NPHP4: variants seen among roughly 807,000 people sequenced by gnomAD.
The protein encoded by NPHP4 is nephrocystin 4, also known as nephrocystin-4.
In NPHP4, 151 loss-of-function variants were observed where a neutral mutation model predicts 155.8. The observed-to-expected ratio is 0.97, with a 90% CI of 0.85 to 1.11. The LOEUF is 1.11. Among genes scored for constraint, NPHP4 ranks in the 50% least tolerant of loss-of-function variants. The pLI, the probability that NPHP4 is intolerant of heterozygous loss-of-function variation, is 0.00. For missense variants in NPHP4, 1,956 were observed against 1,925.7 expected, an observed-to-expected ratio of 1.02 and a Z score of -0.29; for synonymous variants, 845 against 816.8, an observed-to-expected ratio of 1.03 and a Z score of -0.59.
intron 5 of NPHP4, 59 bp downstream of exon 5, chr1:5,967,240 G>A: frequency 7.8e-7 from 1 of 1,282,602 alleles, no homozygotes; most frequent in Non-Finnish European, 1.1e-6. Flanking sequence ...TAAAGGTGGG[G>A]AACACTCAGG....
At chr1:5,876,362 T>C (rs1239294694) in intron 20 of NPHP4, 2 of 152,476 alleles carry the variant, frequency 1.3e-5, no homozygotes, top group Non-Finnish European at 2.9e-5. Flanking sequence ...ACCAGTCCTG[T>C]GGGATCAGGC....
At chr1:5,880,463 T>C (rs1172952477) in intron 18 of NPHP4, 1 of 528,358 alleles carries the variant, frequency 1.9e-6, no homozygotes. Context: ...GCCGTGTCAG[T>C]GGCAGCCTCC....
At chr1:5,868,825 T>G (rs1279341797) in intron 23 of NPHP4, among the ~76,000 whole-genome samples, 1 of 85,114 alleles carries the variant, frequency 1.2e-5, no homozygotes, top group East Asian at 4.0e-4. Flanking sequence ...CACCCACACA[T>G]GCACACACGC....
chr1:5,990,377 C>T (rs1656051227), intron 1 of NPHP4, among the ~76,000 whole-genome samples: 1 of 151,174 alleles, frequency 6.6e-6, no homozygotes, highest in African/African-American at 2.4e-5. Context: ...GCCAAATCAA[C>T]AATAAAAGAG....
At chr1:5,943,045 A>G (rs1320329521) in intron 9 of NPHP4, among the ~76,000 whole-genome samples, 1 of 152,216 alleles carries the variant, frequency 6.6e-6, no homozygotes. Flanking sequence ...TGCATGCATA[A>G]GACATTTCAA....
At chr1:5,896,134 G>A (rs1241216622) in intron 16 of NPHP4, among the ~76,000 whole-genome samples, 1 of 152,202 alleles carries the variant, frequency 6.6e-6, no homozygotes, top group African/African-American at 2.4e-5. Context: ...AAAAACACTG[G>A]AAGGGTCAGC....
At chr1:5,934,231 A>C (rs985155241) in intron 9 of NPHP4, among the ~76,000 whole-genome samples, 12 of 152,196 alleles carry the variant, frequency 7.9e-5, no homozygotes, top group African/African-American at 2.9e-4. Context: ...AGCACACTTA[A>C]GTCACCAGGA....
Position 5,933,282 on chromosome 1 carries a change from G to A in NPHP4, c.1167C>T (p.Val389=). The change falls in exon 10 of 30, where the codon GTC becomes GTT. Residue 389 remains valine (V), a synonymous_variant. Coordinates refer to ENST00000378156, the MANE Select transcript of NPHP4 (RefSeq NM_015102.5). The part of the protein sequence containing the change: ...SLSNLACMHM[V]RWAVWNPLLE... ...GCAAGGGGTTCCAAACAGCCCAGCG[G>A]ACCATGTGCATGCATGCCAGGTTGG... 6.2e-7 allele frequency: 1 copy of A among 1,613,688 alleles called. No homozygotes were observed. Among genetic ancestry groups the A allele is most frequent in the Non-Finnish European group, 8.5e-7 (1 of 1,179,854 alleles).
intron 17 of NPHP4, chr1:5,888,681 A>G: frequency 8.6e-7 from 1 of 1,165,120 alleles, no homozygotes; most frequent in African/African-American, 1.6e-5. Context: ...TGCGAATGAA[A>G]ACAAGGCACC....
Position 5,887,340 on chromosome 1 carries a change from T to C in NPHP4, c.2431A>G (p.Ile811Val). The change falls in exon 18 of 30, where the codon ATC (isoleucine) becomes GTC (valine). Residue 811 changes from isoleucine (I) to valine (V), a missense_variant. By Grantham distance (29) the Ile-to-Val change is conservative. Transcript: ENST00000378156. ...DMLGFGRVKP[I>V]GVHSVVKGRL... The stretch of plus-strand genomic sequence containing the variant: ...CCCTTCACCACCGAGTGGACGCCGA[T>C]GGGCTTGACGCGGCCAAACCCCAGC... The C allele has an allele frequency of 1.2e-6, 2 of 1,613,570 alleles. No homozygotes were observed. Among genetic ancestry groups the C allele is most frequent in the South Asian group, 1.1e-5 (1 of 91,086 alleles).
Position 5,890,848 on chromosome 1 carries a change from T to C in NPHP4, c.2304+20A>G. The C allele has an allele frequency of 6.2e-7, 1 of 1,602,424 alleles. No individual in the cohort carries two copies. The highest frequency in any genetic ancestry group is 8.5e-7 in the Non-Finnish European group (1 of 1,172,554). On this transcript the variant is annotated intron_variant, in intron 17 of 29. Coordinates refer to ENST00000378156, the MANE Select transcript of NPHP4 (RefSeq NM_015102.5). This position sits in a 1 kb window ranked among gnomAD's most constrained non-coding sequence, Gnocchi z 4.9. ...AGGGACGCAGCACCCACTGTGCCTG[T>C]CCTTCCAGAGAGCCGCTACCTTCAT...
intron 20 of NPHP4, 135 bp downstream of exon 20, chr1:5,876,958 C>T (rs1038084924): frequency 1.3e-5 from 8 of 623,682 alleles, no homozygotes; most frequent in African/African-American, 7.6e-5. Context: ...TGAAAAAGTC[C>T]GATTTTCTTA....
At chr1:5,931,362 T>C (rs907756296) in intron 10 of NPHP4, among the ~76,000 whole-genome samples, 8 of 149,906 alleles carry the variant, frequency 5.3e-5, no homozygotes, top group Non-Finnish European at 8.9e-5. Context: ...GTTGTATTTA[T>C]ACTATACTGT....
chr1:5,986,433 C>T (rs1297249902), intron 1 of NPHP4, 106 bp from the exon 2 acceptor site: 1 of 926,382 alleles, frequency 1.1e-6, no homozygotes, highest in Non-Finnish European at 1.6e-6. Flanking sequence ...AACCTCCATC[C>T]CCCAAACCCA....
chr1:5,951,140 AGG>A (rs536470117), intron 7 of NPHP4, among the ~76,000 whole-genome samples: 1 of 152,218 alleles, frequency 6.6e-6, no homozygotes, highest in Non-Finnish European at 1.5e-5. Context: ...CAAAGGCCCG[AGG>A]GAATGGGCGG....
In NPHP4 at chr1:5,874,885, G is replaced by A. The variant is rs552191418; in HGVS notation, c.3033C>T (p.Asn1011=). The change falls in exon 21 of 30, where the codon AAC becomes AAT. Residue 1011 remains asparagine, a synonymous_variant. Transcript: ENST00000378156. ...TQHTVTVEID[N]PELSVIVDSQ... ...CACTGAGACCTCACCTGAGCTCGGGGTTGTCGATCTCCACAGTCACCGTGT... is the reference window on the plus strand; with the variant it reads ...CACTGAGACCTCACCTGAGCTCGGGATTGTCGATCTCCACAGTCACCGTGT... 6.2e-7 allele frequency: 1 copy of A among 1,613,594 alleles called. No individual in the cohort carries two copies. The highest frequency in any genetic ancestry group is 1.3e-5 in the African/African-American group (1 of 74,922).
At position 5,890,999 on chromosome 1, in the gene NPHP4, C is replaced by T; in HGVS notation, c.2173G>A (p.Val725Met). 6.4e-7 allele frequency: 1 copy of T among 1,565,688 alleles called. No individual in the cohort carries two copies. Among genetic ancestry groups the T allele is most frequent in the Non-Finnish European group, 8.7e-7 (1 of 1,144,082 alleles). Residue 725 changes from valine (V) to methionine (M), a missense_variant, in exon 17 of 30, where the codon GTG becomes ATG. Coordinates refer to ENST00000378156, the MANE Select transcript of NPHP4 (RefSeq NM_015102.5). The surrounding 1 kb of genome is among the most constrained non-coding windows in gnomAD (Gnocchi z 4.9). ...GSPGFQLRYMVGPGFLKPGER... is the reference protein window; with the variant it reads ...GSPGFQLRYMMGPGFLKPGER... Reference sequence around the variant, plus strand: ...CCTGGCTTCAGGAACCCAGGGCCCACCATGTACCTCAGCTGGAAGCCAGGA... The same window carrying T: ...CCTGGCTTCAGGAACCCAGGGCCCATCATGTACCTCAGCTGGAAGCCAGGA...
intron 5 of NPHP4, among the ~76,000 whole-genome samples, chr1:5,964,944 T>TTTTTTTTTTTC (rs1259933878): frequency 3.5e-5 from 4 of 113,182 alleles, no homozygotes; most frequent in African/African-American, 1.4e-4. Context: ...TATATATATT[T>TTTTTTTTTTTC]TTTTTTTTTG....
intron 16 of NPHP4, among the ~76,000 whole-genome samples, chr1:5,897,550 A>G (rs1003474585): frequency 6.6e-6 from 1 of 152,166 alleles, no homozygotes; most frequent in African/African-American, 2.4e-5. Flanking sequence ...ACGGGGGATA[A>G]AGCAACAAGT....
Sources: allele counts gnomAD v4.1 joint callset (sites outside exome capture counted in the v4.1 genomes callset), GRCh38; gene constraint gnomAD v4.1.1; non-coding constraint Gnocchi (gnomAD v3.1); transcripts MANE v1.5; gene names NCBI Gene and HGNC (gene_info 2026-07-23, HGNC 2026-07-21).